Variants in LPIN1 observed in about 807,000 individuals in gnomAD.
The protein encoded by LPIN1 is lipin 1, also known as phosphatidate phosphatase LPIN1.
LPIN1 carries 71 observed loss-of-function variants against 107.5 expected under a neutral mutation model. The observed-to-expected ratio is 0.66, with a 90% CI of 0.55 to 0.80. LPIN1 has a LOEUF of 0.80. Ranked by LOEUF, LPIN1 falls within the 30% of genes least tolerant of loss-of-function variation. The probability of loss-of-function intolerance (pLI) is 0.00; values close to 1 mark genes in which losing one functional copy is unlikely to be tolerated. For missense variants in LPIN1, 1,043 were observed against 1,160.6 expected (o/e 0.90, Z 1.47); for synonymous variants, 445 against 452.6 (o/e 0.98, Z 0.21).
At chr2:11,682,519 A>G (rs1446744938) in intron 1 of LPIN1, 1 of 152,424 alleles carries the variant, frequency 6.6e-6, no homozygotes, top group East Asian at 1.9e-4. Flanking sequence ...AAATGCCTCC[A>G]TCTCCATACC....
In LPIN1 at chr2:11,757,699, C is replaced by G. The variant is rs576968916; in HGVS notation, c.-9-7834C>G. ...CGTGCCTCCTGGGGGAGGGATTGCC[C>G]CCTCCACCCCAAGCTCTCTTTCAAA... On this transcript the variant is annotated intron_variant, in intron 1 of 20. Coordinates refer to ENST00000674199, the MANE Select transcript of LPIN1 (RefSeq NM_001349206.2). 2.6e-5 allele frequency among the ~76,000 whole-genome samples: 4 copies of G among 152,098 alleles called. No individual in the cohort carries two copies. The East Asian group carries it at 5.8e-4, about 22-fold the overall frequency.
chr2:11,714,668 T>C (rs1663612932), intron 2 of LPIN1, among the ~76,000 whole-genome samples: 1 of 152,008 alleles, frequency 6.6e-6, no homozygotes, highest in Non-Finnish European at 1.5e-5. Flanking sequence ...GGAGGCAGCG[T>C]GTGTGGATAG....
At chr2:11,683,995 A>G (rs1661866762) in intron 1 of LPIN1, among the ~76,000 whole-genome samples, 1 of 152,192 alleles carries the variant, frequency 6.6e-6, no homozygotes, top group African/African-American at 2.4e-5. Context: ...GAGTCTTCTT[A>G]CTTTTCTCAT....
chr2:11,719,070 C>T (rs1663946021), intron 2 of LPIN1, among the ~76,000 whole-genome samples: 1 of 152,002 alleles, frequency 6.6e-6, no homozygotes, highest in African/African-American at 2.4e-5. Context: ...TTTTTGTTCT[C>T]TAATTATTTC....
chr2:11,753,841 A>G (rs1668252641), intron 1 of LPIN1, among the ~76,000 whole-genome samples: 2 of 152,162 alleles, frequency 1.3e-5, no homozygotes, highest in Admixed American at 6.5e-5. Flanking sequence ...ACTTCCTAGA[A>G]GCTTTTTGTG....
chr2:11,710,050 G>A (rs528504947), intron 1 of LPIN1, among the ~76,000 whole-genome samples: 13 of 152,264 alleles, frequency 8.5e-5, no homozygotes, highest in Admixed American at 2.6e-4. Context: ...AGTATCTGCC[G>A]TGAGCTGGTC....
rs150685444 is a variant in LPIN1 at position 11,698,622 on chromosome 2, C to T, written c.82-15134C>T. On this transcript the variant is annotated intron_variant, in intron 1 of 21. Transcript: ENST00000449576. ...GAACACGGAGTGAATTCCTTTCTTCCGCGTTATGAAATACACAGTGTTTTT... is the reference window on the plus strand; with the variant it reads ...GAACACGGAGTGAATTCCTTTCTTCTGCGTTATGAAATACACAGTGTTTTT... Among the ~76,000 whole-genome samples the T allele has an allele frequency of 1.9e-3, 296 of 152,334 alleles. 2 individuals are homozygous for T. Among genetic ancestry groups the T allele is most frequent in the Non-Finnish European group, 2.4e-3 (166 of 68,024 alleles).
intron 1 of LPIN1, among the ~76,000 whole-genome samples, chr2:11,693,865 C>T (rs1455449946): frequency 1.9e-5 from 2 of 105,820 alleles, no homozygotes; most frequent in African/African-American, 3.7e-5. Flanking sequence ...GATGGAGTCT[C>T]GCTCAGTTGC....
chr2:11,794,163 G>A (rs1558246943), intron 13 of LPIN1, among the ~76,000 whole-genome samples: 1 of 152,190 alleles, frequency 6.6e-6, no homozygotes, highest in Non-Finnish European at 1.5e-5. Context: ...CGATAAATGA[G>A]TTCAAATATA....
intron 14 of LPIN1, among the ~76,000 whole-genome samples, chr2:11,800,468 C>T (rs544019702): frequency 3.4e-4 from 51 of 152,174 alleles, no homozygotes; most frequent in African/African-American, 1.0e-3. Flanking sequence ...AGTGCAATGG[C>T]GCATTCTTGG....
intron 17 of LPIN1, among the ~76,000 whole-genome samples, chr2:11,809,893 C>T (rs1373976942): frequency 6.6e-6 from 1 of 152,218 alleles, no homozygotes; most frequent in Non-Finnish European, 1.5e-5. Flanking sequence ...GCCATTAGCT[C>T]ACCCTGGGCC....
chr2:11,729,495 T>C (rs1162694426), intron 1 of LPIN1, among the ~76,000 whole-genome samples: 2 of 152,234 alleles, frequency 1.3e-5, no homozygotes. Context: ...AGACCTGGGA[T>C]TGGTAAACAA....
At chr2:11,679,504 G>C (rs968388899) in intron 1 of LPIN1, among the ~76,000 whole-genome samples, 1 of 152,226 alleles carries the variant, frequency 6.6e-6, no homozygotes, top group African/African-American at 2.4e-5. Context: ...GTAAACAGAG[G>C]TGGTGCTTCC....
chr2:11,813,793 A>T (rs193183435), intron 17 of LPIN1, among the ~76,000 whole-genome samples: 1 of 152,206 alleles, frequency 6.6e-6, no homozygotes, highest in Non-Finnish European at 1.5e-5. Flanking sequence ...GCATGTCTGT[A>T]ATCCCAGCAA....
At chr2:11,805,201 TG>T (rs755391340) in intron 17 of LPIN1, 45 bp downstream of exon 17, 36 of 1,355,120 alleles carry the variant, frequency 2.7e-5, no homozygotes, top group Non-Finnish European at 3.8e-5. Flanking sequence ...AACGCTGGTG[TG>T]TGCACCGCAC....
intron 4 of LPIN1, among the ~76,000 whole-genome samples, chr2:11,773,153 C>T (rs1485521214): frequency 1.3e-5 from 2 of 152,192 alleles, no homozygotes; most frequent in African/African-American, 4.8e-5. Context: ...AATCGTAAGG[C>T]ATGTTTGGTT....
Position 11,803,104 on chromosome 2 carries a change from G to A in LPIN1, c.2013+71G>A. 1 of 1,595,420 alleles carries A rather than the reference G, an allele frequency of 6.3e-7. No homozygotes were observed. The highest frequency in any genetic ancestry group is 8.6e-7 in the Non-Finnish European group (1 of 1,169,052). On this transcript the variant is annotated intron_variant, in intron 15 of 20. Transcript: ENST00000674199. The surrounding 1 kb of genome is among the most constrained non-coding windows in gnomAD (Gnocchi z 4.2). Reference sequence around the variant, plus strand: ...TTTCTGCAGACTCCTAAGGCTGTGTGATGGTTGGGATGTGCCCGTTACTTG... The same window carrying A: ...TTTCTGCAGACTCCTAAGGCTGTGTAATGGTTGGGATGTGCCCGTTACTTG...
In LPIN1 at chr2:11,824,914, G is replaced by A; in HGVS notation, c.*123G>A. 1 of 1,111,862 alleles carries A rather than the reference G, an allele frequency of 9.0e-7. No homozygotes were observed. The highest frequency in any genetic ancestry group is 1.3e-5 in the South Asian group (1 of 74,788). The allele number at this position is 1,111,862 out of a possible 1,614,324, so 68.9% of individuals were successfully genotyped here. ...GCGCGTCATCATTGGCCTGACAGCA[G>A]AGAGAATTGAGAAGCATTTCTCCCC... is the stretch of plus-strand genomic sequence containing the variant. On this transcript the variant is annotated 3_prime_UTR_variant, in exon 21 of 21. Transcript: ENST00000674199.
At position 11,785,061 on chromosome 2, in the gene LPIN1, C is replaced by T. The variant is rs760960301; in HGVS notation, c.1534C>T (p.Arg512Trp). 10 of 1,583,962 alleles carry T rather than the reference C, an allele frequency of 6.3e-6. No homozygotes were observed. The highest frequency in any genetic ancestry group is 8.6e-6 in the Non-Finnish European group (10 of 1,167,862). The change falls in exon 10 of 21, where the codon CGG becomes TGG. Residue 512 changes from arginine to tryptophan, a missense_variant. Coordinates refer to ENST00000674199, the MANE Select transcript of LPIN1 (RefSeq NM_001349206.2). ...ISLCGGLSDHREITKDAFLEQ... is the reference protein window; with the variant it reads ...ISLCGGLSDHWEITKDAFLEQ... The stretch of plus-strand genomic sequence containing the variant: ...CCTCTGCGGGGGCCTCAGCGACCAC[C>T]GGGAGATCACGAAAGGTACCGCGGG...
Sources: gnomAD v4.1 joint callset for allele counts (sites outside exome capture counted in the v4.1 genomes callset) on GRCh38, gnomAD v4.1.1 for gene constraint, Gnocchi (gnomAD v3.1) non-coding constraint, MANE v1.5 for transcripts, NCBI Gene and HGNC (gene_info 2026-07-23, HGNC 2026-07-21) for gene names.